The following ADGRV1 variants were observed in gnomAD, a reference collection of about 807,000 sequenced individuals.
The protein encoded by ADGRV1 is G-protein coupled receptor 98.
Under a neutral mutation model 596.2 loss-of-function variants are expected in ADGRV1, and 359 were observed. That is an observed-to-expected ratio of 0.60 (90% confidence interval 0.55 to 0.66). The LOEUF (loss-of-function observed/expected upper bound fraction) is 0.66, where lower values mean the gene tolerates loss of function less well. ADGRV1 is among the 30% of genes least tolerant of loss of function. The probability of loss-of-function intolerance (pLI) is 0.00; values close to 1 mark genes in which losing one functional copy is unlikely to be tolerated. For synonymous variants in ADGRV1, 2,681 were observed against 2,679.2 expected (o/e 1.00, Z -0.02); for missense variants, 7,274 against 7,575.6 (o/e 0.96, Z 1.48).
At chr5:91,034,101 T>TA in intron 85 of ADGRV1, among the ~76,000 whole-genome samples, 1 of 152,284 alleles carries the variant, frequency 6.6e-6, no homozygotes, top group East Asian at 1.9e-4. Context: ...TACTAAATTT[T>TA]AAAAAATTTA....
rs1356907122 is a variant in ADGRV1, at chr5:90,617,686, C to G, written c.208-118C>G. The G allele has an allele frequency of 3.7e-6, 3 of 801,470 alleles. No individual in the cohort carries two copies. In the Admixed American group the frequency reaches 8.9e-5, roughly 24 times the overall value. 49.6% of individuals were successfully genotyped at this position (801,470 alleles called of 1,614,324 possible). The stretch of plus-strand genomic sequence containing the variant: ...TGATTTTTGTTTTTGTACACCCTAT[C>G]TATAAACATAAATGTCACTTGATTT... On this transcript the variant is annotated intron_variant, in intron 2 of 89. Transcript: ENST00000405460.
intron 65 of ADGRV1, among the ~76,000 whole-genome samples, chr5:90,782,179 T>C (rs1433989776): frequency 6.6e-6 from 1 of 152,182 alleles, no homozygotes; most frequent in Non-Finnish European, 1.5e-5. Context: ...AATAAATATC[T>C]TACTGCTGCA....
chr5:90,710,883 G>A, intron 39 of ADGRV1, 98 bp from the exon 40 acceptor site: 1 of 712,350 alleles, frequency 1.4e-6, no homozygotes, highest in Middle Eastern at 3.4e-4. Context: ...TGTACATTAT[G>A]AATTATATAA....
chr5:90,867,898 A>G (rs1255785944), intron 83 of ADGRV1, among the ~76,000 whole-genome samples: 1 of 151,980 alleles, frequency 6.6e-6, no homozygotes, highest in Non-Finnish European at 1.5e-5. Context: ...TTTGCTGAAT[A>G]AAAAAGTATG....
At chr5:90,894,350 T>C (rs1771100566) in intron 83 of ADGRV1, among the ~76,000 whole-genome samples, 1 of 152,174 alleles carries the variant, frequency 6.6e-6, no homozygotes, top group African/African-American at 2.4e-5. Context: ...CTGTTACTTA[T>C]CACTTTATGA....
At chr5:90,600,468 TG>T (rs1422061296) in intron 1 of ADGRV1, among the ~76,000 whole-genome samples, 3 of 152,228 alleles carry the variant, frequency 2.0e-5, no homozygotes, top group Admixed American at 6.5e-5. Flanking sequence ...TCCGTGTCCC[TG>T]CAAAGGACAT....
intron 86 of ADGRV1, among the ~76,000 whole-genome samples, chr5:91,079,407 A>G (rs1789140837): frequency 6.6e-6 from 1 of 152,180 alleles, no homozygotes; most frequent in Non-Finnish European, 1.5e-5. Context: ...TTTTGATCTC[A>G]ATCCTCGAAG....
At position 90,927,858 on chromosome 5, in the gene ADGRV1, C is replaced by G. The variant is rs1251444563; in HGVS notation, c.17857-37557C>G. The stretch of plus-strand genomic sequence containing the variant: ...ATAAAATCTCTCAGCATTTGCTTTT[C>G]TGTAAAGTATTTTATTTCTCCTTCA... On this transcript the variant is annotated intron_variant, in intron 83 of 89. Coordinates refer to ENST00000405460, the MANE Select transcript of ADGRV1 (RefSeq NM_032119.4). Among the ~76,000 whole-genome samples, 10 of 152,182 alleles carry G rather than the reference C, an allele frequency of 6.6e-5. No individual in the cohort carries two copies. The East Asian group carries it at 1.7e-3, about 26-fold the overall frequency.
Position 91,102,285 on chromosome 5 carries a change from T to C in ADGRV1, c.18377T>C (p.Met6126Thr). 6.2e-7 allele frequency: 1 copy of C among 1,610,480 alleles called. No individual in the cohort carries two copies. The highest frequency in any genetic ancestry group is 8.5e-7 in the Non-Finnish European group (1 of 1,177,946). The change falls in exon 87 of 90, where the codon ATG (methionine) becomes ACG (threonine). Residue 6126 changes from methionine to threonine, a missense_variant. Physicochemically the swap from Met to Thr is moderately conservative, Grantham distance 81. Around this residue, in one of 5 missense-constraint regions of ADGRV1, gnomAD observed 1,874 missense variants for 1,970.2 expected, o/e 0.95. Coordinates refer to ENST00000405460, the MANE Select transcript of ADGRV1 (RefSeq NM_032119.4). ...SVTWLWGGLHMAYRHFWMLVL... is the reference protein window; with the variant it reads ...SVTWLWGGLHTAYRHFWMLVL... ...ACATGGCTTTGGGGAGGACTACACA[T>C]GGCCTACAGACACTTCTGGATGTTG...
chr5:91,029,214 A>G (rs1335885880), intron 85 of ADGRV1, among the ~76,000 whole-genome samples: 3 of 152,226 alleles, frequency 2.0e-5, no homozygotes, highest in African/African-American at 7.2e-5. Context: ...TCCGTCTCAA[A>G]AAAAAATTAA....
intron 86 of ADGRV1, among the ~76,000 whole-genome samples, chr5:91,077,400 C>T (rs1788949471): frequency 6.6e-6 from 1 of 152,202 alleles, no homozygotes; most frequent in African/African-American, 2.4e-5. Context: ...CACATTTGTT[C>T]ACTGGTTATA....
chr5:90,993,535 G>C (rs185565024), intron 85 of ADGRV1, among the ~76,000 whole-genome samples: 1 of 152,194 alleles, frequency 6.6e-6, no homozygotes, highest in Non-Finnish European at 1.5e-5. Context: ...TTCAAGATTA[G>C]ATGGAATTTA....
chr5:90,566,894 G>C (rs995525863), intron 1 of ADGRV1, among the ~76,000 whole-genome samples: 2 of 152,066 alleles, frequency 1.3e-5, no homozygotes, highest in Non-Finnish European at 2.9e-5. Flanking sequence ...CTTGTCCTGT[G>C]ATCTTAGAGA....
Position 90,703,781 on chromosome 5 carries a change from C to G in ADGRV1, c.8272C>G (p.Leu2758Val), listed in dbSNP as rs1318938403. 2 of 1,596,410 alleles carry G rather than the reference C, an allele frequency of 1.3e-6. No individual in the cohort carries two copies. The highest frequency in any genetic ancestry group is 1.7e-6 in the Non-Finnish European group (2 of 1,171,102). ...CAATTTTGCTAACTTTAGCGGACAA[C>G]TTTTCTTTCCTGAGGTAATACTGCA... ...ELNFANFSGQ[L>V]FFPEGSLNTT... is the part of the protein sequence containing the mutation. The change falls in exon 35 of 90, where the codon CTT becomes GTT. Residue 2758 changes from leucine to valine, a missense_variant. By Grantham distance (32) the Leu-to-Val change is conservative (BLOSUM62 1). This residue lies in a region of ADGRV1 where 3,643 missense variants were observed against 3,809.2 expected (regional missense o/e 0.96). Transcript: ENST00000405460.
chr5:90,798,657 C>A (rs1394268054), intron 70 of ADGRV1, among the ~76,000 whole-genome samples: 1 of 152,272 alleles, frequency 6.6e-6, no homozygotes, highest in African/African-American at 2.4e-5. Flanking sequence ...CTGTGATGAA[C>A]ATCGATGAGA....
chr5:90,685,527 G>A (rs1745489363), intron 28 of ADGRV1, among the ~76,000 whole-genome samples: 1 of 151,864 alleles, frequency 6.6e-6, no homozygotes, highest in Non-Finnish European at 1.5e-5. Context: ...GGAGGTTGTG[G>A]TGAGCCAAGA....
At chr5:91,114,750 T>A (rs75999994) in intron 87 of ADGRV1, among the ~76,000 whole-genome samples, 2,335 of 152,314 alleles carry the variant, frequency 0.015, 68 homozygotes, top group African/African-American at 0.053. Flanking sequence ...GACTCTTGAA[T>A]TCATTACTGA....
chr5:91,094,695 A>G (rs1004313020), intron 86 of ADGRV1, among the ~76,000 whole-genome samples: 1 of 152,188 alleles, frequency 6.6e-6, no homozygotes, highest in East Asian at 1.9e-4. Context: ...AAAATGGGGC[A>G]TCAGGGTAAA....
intron 87 of ADGRV1, among the ~76,000 whole-genome samples, chr5:91,107,330 A>G (rs1236232894): frequency 6.6e-6 from 1 of 152,224 alleles, no homozygotes; most frequent in Admixed American, 6.5e-5. Flanking sequence ...TCTGGAGGAA[A>G]GATTTGTTGC....
Sources: gnomAD v4.1 joint callset for allele counts (sites outside exome capture counted in the v4.1 genomes callset) on GRCh38, gnomAD v4.1.1 for gene constraint, gnomAD v4.1.1 regional missense constraint, MANE v1.5 for transcripts, NCBI Gene and HGNC (gene_info 2026-07-23, HGNC 2026-07-21) for gene names.